The following C1orf105 variants were observed in gnomAD, a reference collection of about 807,000 sequenced individuals.
C1orf105 encodes uncharacterized protein C1orf105.
A neutral mutation model predicts 20.8 loss-of-function variants in C1orf105; 17 were observed. The observed-to-expected ratio is 0.82, with a 90% CI of 0.56 to 1.23. C1orf105 has a LOEUF of 1.23. Among genes scored for constraint, C1orf105 ranks in the 50% most tolerant of loss-of-function variants. The pLI is 0.00. For missense variants in C1orf105, 219 were observed against 213.5 expected, an observed-to-expected ratio of 1.03 and a Z score of -0.16; for synonymous variants, 72 against 72.1, an observed-to-expected ratio of 1.00 and a Z score of 0.01.
intron 3 of C1orf105, 65 bp from the exon 4 acceptor site, chr1:172,456,350 T>C (rs1038393817): frequency 1.9e-5 from 27 of 1,402,004 alleles, no homozygotes; most frequent in Non-Finnish European, 2.5e-5. Flanking sequence ...ACTGCTTTCC[T>C]ACATCTTTGC....
intron 3 of C1orf105, among the ~76,000 whole-genome samples, chr1:172,455,209 AC>A (rs1558141305): frequency 6.6e-6 from 1 of 151,772 alleles, no homozygotes; most frequent in South Asian, 2.1e-4. Flanking sequence ...TAGCCCTCAA[AC>A]CCCCCATGAT....
chr1:172,467,618 C>T (rs1402788589), intron 6 of C1orf105, among the ~76,000 whole-genome samples: 2 of 152,178 alleles, frequency 1.3e-5, no homozygotes, highest in African/African-American at 2.4e-5. Context: ...CCATTAGTGT[C>T]TGTGACCTTG....
chr1:172,420,879 C>A lies in C1orf105; in HGVS notation c.-7C>A. 1 of 1,611,606 alleles carries A rather than the reference C, an allele frequency of 6.2e-7. No individual in the cohort carries two copies. The highest frequency in any genetic ancestry group is 8.5e-7 in the Non-Finnish European group (1 of 1,178,200). ...AGAAAAACTCAGAACATCTAAAGAT[C>A]TGAAAGATGGAAAAAAGAGAACTAA... is the stretch of plus-strand genomic sequence containing the variant. On this transcript the variant is annotated 5_prime_UTR_variant, in exon 1 of 7. The change creates a new upstream start codon in the 5' untranslated region. Transcript: ENST00000367727.
At chr1:172,437,346 C>CA (rs2072070245) in intron 1 of C1orf105, among the ~76,000 whole-genome samples, 1 of 152,038 alleles carries the variant, frequency 6.6e-6, no homozygotes, top group African/African-American at 2.4e-5. Context: ...AAATGTCCAT[C>CA]AATGACAGAC....
At chr1:172,432,329 C>T (rs1359717999) in intron 1 of C1orf105, among the ~76,000 whole-genome samples, 2 of 152,194 alleles carry the variant, frequency 1.3e-5, no homozygotes, top group South Asian at 2.1e-4. Context: ...CTGGGAGACA[C>T]CTCCCAGTAG....
In C1orf105 at chr1:172,445,014, T is replaced by C. The variant is rs114127178; in HGVS notation, c.22-59T>C. 1,488 of 1,402,886 alleles carry C rather than the reference T, an allele frequency of 1.1e-3. 20 individuals are homozygous for C. The African/African-American group carries it at 0.018, about 17-fold the overall frequency. 86.9% of individuals were successfully genotyped at this position (1,402,886 alleles called of 1,614,324 possible). A position where few individuals can be genotyped will look rare whatever the true frequency, so the allele number is the denominator to read the frequency against. On this transcript the variant is annotated intron_variant, in intron 1 of 6. Coordinates refer to ENST00000367727, the MANE Select transcript of C1orf105 (RefSeq NM_139240.4). ...TGCTATTAGCTGACTTTGGCCATCG[T>C]AATGATAGCAATGTTTAAGTGTGAT...
At chr1:172,421,149 T>C (rs2071575950) in intron 1 of C1orf105, among the ~76,000 whole-genome samples, 1 of 152,200 alleles carries the variant, frequency 6.6e-6, no homozygotes, top group Non-Finnish European at 1.5e-5. Flanking sequence ...AAAAATGTTG[T>C]ACTTGCCAAC....
At chr1:172,427,761 C>A (rs1425853423) in intron 1 of C1orf105, among the ~76,000 whole-genome samples, 1 of 152,182 alleles carries the variant, frequency 6.6e-6, no homozygotes, top group East Asian at 1.9e-4. Context: ...CTGTCCAAAT[C>A]TTTTTGCTTC....
intron 6 of C1orf105, among the ~76,000 whole-genome samples, chr1:172,466,573 T>TACAA (rs1460916279): frequency 6.8e-6 from 1 of 147,192 alleles, no homozygotes; most frequent in African/African-American, 2.5e-5. Context: ...ATGAATCACA[T>TACAA]ACACACACAC....
rs139990576 is a variant in C1orf105, at chr1:172,431,207, G to A, written c.21+10301G>A. ...TAGTGAAGAAGGCATATCAAAAGCCGAGACAGGCTGAAAGCCAGGCCTCTT... is the reference window on the plus strand; with the variant it reads ...TAGTGAAGAAGGCATATCAAAAGCCAAGACAGGCTGAAAGCCAGGCCTCTT... On this transcript the variant is annotated intron_variant, in intron 1 of 6. Coordinates refer to ENST00000367727, the MANE Select transcript of C1orf105 (RefSeq NM_139240.4). 1.6e-4 allele frequency: 70 copies of A among 431,150 alleles called. No individual in the cohort carries two copies. In the Middle Eastern group the frequency reaches 4.5e-3, roughly 28 times the overall value. 26.7% of individuals were successfully genotyped at this position (431,150 alleles called of 1,614,324 possible).
chr1:172,430,913 G>GTT (rs2071854755), intron 1 of C1orf105, among the ~76,000 whole-genome samples: 1 of 152,178 alleles, frequency 6.6e-6, no homozygotes. Flanking sequence ...TCTGTGATCA[G>GTT]TGATCTTTGA....
intron 4 of C1orf105, 27 bp downstream of exon 4, chr1:172,456,516 G>A (rs1283263467): frequency 1.2e-6 from 2 of 1,601,934 alleles, no homozygotes; most frequent in South Asian, 2.2e-5. Context: ...ACAGAAATGG[G>A]CACAGGCATC....
At chr1:172,453,042 A>G (rs1645816895) in intron 3 of C1orf105, 1 of 1,550,638 alleles carries the variant, frequency 6.4e-7, no homozygotes. Context: ...TGAGGCCTGC[A>G]GGACATGGCG....
intron 4 of C1orf105, among the ~76,000 whole-genome samples, chr1:172,459,425 T>C (rs538394603): frequency 6.6e-6 from 1 of 152,070 alleles, no homozygotes; most frequent in Admixed American, 6.5e-5. Flanking sequence ...AAATGACCAA[T>C]AAACACATGA....
At chr1:172,442,562 G>C in intron 1 of C1orf105, 1 of 1,613,960 alleles carries the variant, frequency 6.2e-7, no homozygotes, top group Non-Finnish European at 8.5e-7. Context: ...AAGGGCTGTC[G>C]CTCATACAAG....
chr1:172,448,310 C>A, intron 2 of C1orf105, 131 bp from the exon 3 acceptor site: 1 of 653,588 alleles, frequency 1.5e-6, no homozygotes, highest in South Asian at 1.9e-5. Context: ...CCCCAATGGC[C>A]TGAGTGCTCC....
intron 5 of C1orf105, among the ~76,000 whole-genome samples, chr1:172,464,594 T>A (rs1649909175): frequency 6.6e-6 from 1 of 152,056 alleles, no homozygotes; most frequent in Admixed American, 6.6e-5. Flanking sequence ...AACCAAAATG[T>A]TTTCTCAGCT....
chr1:172,461,420 G>T (rs1298234665), intron 4 of C1orf105, among the ~76,000 whole-genome samples: 3 of 152,140 alleles, frequency 2.0e-5, no homozygotes, highest in Non-Finnish European at 4.4e-5. Flanking sequence ...CCACATCTTT[G>T]TAATTGTCAT....
intron 4 of C1orf105, among the ~76,000 whole-genome samples, chr1:172,458,931 A>T (rs1482289715): frequency 6.6e-6 from 1 of 152,198 alleles, no homozygotes; most frequent in East Asian, 1.9e-4. Context: ...GCACCAAGAC[A>T]GTTCAATGAG....
Sources: gnomAD v4.1 joint callset for allele counts (sites outside exome capture counted in the v4.1 genomes callset) on GRCh38, gnomAD v4.1.1 for gene constraint, MANE v1.5 for transcripts, NCBI Gene and HGNC (gene_info 2026-07-23, HGNC 2026-07-21) for gene names.